PTPRC: variants seen among roughly 807,000 people sequenced by gnomAD.
PTPRC encodes the protein protein tyrosine phosphatase receptor type C.
In PTPRC, 44 loss-of-function variants were observed where a neutral mutation model predicts 155.9. That is an observed-to-expected ratio of 0.28 (90% CI 0.22 to 0.36). The LOEUF is 0.36. Ranked by LOEUF, PTPRC falls within the 10% of genes least tolerant of loss-of-function variation. PTPRC has a pLI of 1.00. For synonymous variants in PTPRC, 525 were observed against 533.1 expected, an observed-to-expected ratio of 0.98 and a Z score of 0.21; for missense variants, 1,401 against 1,564.6, an observed-to-expected ratio of 0.90 and a Z score of 1.76.
chr1:198,723,945 T>A (rs1286486407), intron 15 of PTPRC, among the ~76,000 whole-genome samples: 3 of 152,188 alleles, frequency 2.0e-5, no homozygotes, highest in Admixed American at 6.5e-5. Flanking sequence ...TGTGCTCAGT[T>A]ATGAGCGGGC....
chr1:198,732,917 T>C (rs1391066115), intron 20 of PTPRC, among the ~76,000 whole-genome samples: 2 of 151,834 alleles, frequency 1.3e-5, no homozygotes, highest in Non-Finnish European at 2.9e-5. Context: ...TCAGTTTAGT[T>C]AATTACCTTG....
intron 2 of PTPRC, among the ~76,000 whole-genome samples, chr1:198,670,667 CTCTA>C (rs1159236961): frequency 6.6e-6 from 1 of 152,104 alleles, no homozygotes; most frequent in Non-Finnish European, 1.5e-5. Context: ...CTTTACAAGT[CTCTA>C]TCTAATTCAT....
chr1:198,683,555 A>G (rs1665455892), intron 2 of PTPRC, among the ~76,000 whole-genome samples: 1 of 152,114 alleles, frequency 6.6e-6, no homozygotes, highest in African/African-American at 2.4e-5. Context: ...TAAAAAGAGA[A>G]TATGGGTAAG....
At chr1:198,746,307 G>T (rs1655130269) in intron 26 of PTPRC, among the ~76,000 whole-genome samples, 2 of 151,802 alleles carry the variant, frequency 1.3e-5, no homozygotes, top group Non-Finnish European at 2.9e-5. Context: ...CAAATGAGTA[G>T]AAATGGTTTG....
Position 198,695,401 on chromosome 1 carries a change from A to G in PTPRC, c.101-1311A>G, listed in dbSNP as rs188473753. On this transcript the variant is annotated intron_variant, in intron 3 of 32. Coordinates refer to ENST00000442510, the MANE Select transcript of PTPRC (RefSeq NM_002838.5). ...TTTAAATTTTTTTTTTTGCTTTTCA[A>G]AAAGTAAATATATGTTAAGCAAAAA... 3.6e-5 allele frequency among the ~76,000 whole-genome samples: 5 copies of G among 140,766 alleles called. No homozygotes were observed. In the East Asian group the frequency reaches 1.0e-3, roughly 29 times the overall value. 92.3% of individuals were successfully genotyped at this position (140,766 alleles called of 152,430 possible). A position where few individuals can be genotyped will look rare whatever the true frequency, so the allele number is the denominator to read the frequency against.
intron 2 of PTPRC, among the ~76,000 whole-genome samples, chr1:198,659,384 G>C (rs1663804702): frequency 6.6e-6 from 1 of 152,096 alleles, no homozygotes; most frequent in South Asian, 2.1e-4. Context: ...AAAGATACAT[G>C]TGGCCCCTCC....
intron 2 of PTPRC, among the ~76,000 whole-genome samples, chr1:198,647,299 A>C (rs1662993922): frequency 2.0e-5 from 3 of 151,976 alleles, no homozygotes; most frequent in Admixed American, 6.6e-5. Context: ...TGGTGAGCTC[A>C]TGTAGGCTAT....
intron 22 of PTPRC, 107 bp downstream of exon 22, chr1:198,734,532 G>A (rs1654538247): frequency 3.1e-6 from 3 of 967,890 alleles, no homozygotes; most frequent in Non-Finnish European, 3.4e-6. Flanking sequence ...AAAACAGAGA[G>A]TTCTCTATTT....
At chr1:198,723,174 A>G (rs751688310) in intron 15 of PTPRC, among the ~76,000 whole-genome samples, 11 of 151,260 alleles carry the variant, frequency 7.3e-5, no homozygotes, top group Non-Finnish European at 1.2e-4. Flanking sequence ...TACTAACATT[A>G]CCAATTGATC....
At chr1:198,752,506 G>GAAGT in intron 30 of PTPRC, 88 bp from the exon 31 acceptor site, 1 of 1,518,544 alleles carries the variant, frequency 6.6e-7, no homozygotes, top group Non-Finnish European at 9.1e-7. Context: ...TATTTAAATA[G>GAAGT]AAGTAACTGT....
Position 198,755,973 on chromosome 1 carries a change from AAAAC to A in PTPRC, c.3716_3719del (p.Asn1239ThrfsTer16). On this transcript the variant is annotated frameshift_variant, in exon 33 of 33. Transcript: ENST00000442510. LOFTEE classifies it low-confidence loss of function (END_TRUNC). The stretch of plus-strand genomic sequence containing the variant: ...CCTGCTCAGAATGGACAAGTAAAGA[AAAAC>A]AACCATCAAGAAGATAAAATTGAAT... 2 of 1,613,238 alleles carry A rather than the reference AAAAC, an allele frequency of 1.2e-6. No individual in the cohort carries two copies. Among genetic ancestry groups the A allele is most frequent in the Non-Finnish European group, 1.7e-6 (2 of 1,179,496 alleles).
chr1:198,655,004 T>G (rs938691376), intron 2 of PTPRC, among the ~76,000 whole-genome samples: 1 of 151,938 alleles, frequency 6.6e-6, no homozygotes, highest in African/African-American at 2.4e-5. Context: ...TCTTCTATTT[T>G]TATTGTCTTA....
chr1:198,734,641 T>A (rs1654544111), intron 22 of PTPRC, among the ~76,000 whole-genome samples: 1 of 151,792 alleles, frequency 6.6e-6, no homozygotes, highest in South Asian at 2.1e-4. Flanking sequence ...TTTCAATGCT[T>A]CTGATTAATT....
At chr1:198,755,811 A>G in intron 32 of PTPRC, 95 bp from the exon 33 acceptor site, 2 of 1,328,260 alleles carry the variant, frequency 1.5e-6, no homozygotes, top group Non-Finnish European at 2.2e-6. Context: ...CAATACTTCC[A>G]CAAATAAATC....
chr1:198,667,198 G>C (rs950054621), intron 2 of PTPRC: 2 of 152,166 alleles, frequency 1.3e-5, no homozygotes, highest in Non-Finnish European at 2.9e-5. Flanking sequence ...TTCCCCAGAA[G>C]CTTTTGTCTA....
At chr1:198,657,260 G>C (rs1418019783) in intron 2 of PTPRC, among the ~76,000 whole-genome samples, 2 of 151,926 alleles carry the variant, frequency 1.3e-5, no homozygotes, top group Non-Finnish European at 2.9e-5. Context: ...AGTTGATAAA[G>C]TGTTAGTGGC....
chr1:198,642,106 G>C (rs1030133185), intron 2 of PTPRC, among the ~76,000 whole-genome samples: 4 of 151,978 alleles, frequency 2.6e-5, no homozygotes, highest in Non-Finnish European at 5.9e-5. Context: ...TTTGTTACAG[G>C]AAAGACTACG....
intron 2 of PTPRC, among the ~76,000 whole-genome samples, chr1:198,644,092 G>A (rs1001013413): frequency 6.6e-6 from 1 of 151,868 alleles, no homozygotes; most frequent in East Asian, 1.9e-4. Flanking sequence ...CCTTGGTGCA[G>A]AGAGAGAAAT....
In PTPRC at chr1:198,709,694, G is replaced by A. The variant is rs866816038; in HGVS notation, c.1041G>A (p.Met347Ile). 6.4e-7 allele frequency: 1 copy of A among 1,570,126 alleles called. No homozygotes were observed. Among genetic ancestry groups the A allele is most frequent in the South Asian group, 1.2e-5 (1 of 86,360 alleles). ...AATATTTCTTTATTTCAGGTAATAT[G>A]ATATTTGATAATAAAGAAATTAAAT... ...NITYRFQCGN[M>I]IFDNKEIKLE... Residue 347 changes from methionine to isoleucine, a missense_variant, in exon 11 of 33, where the codon ATG (methionine) becomes ATA (isoleucine). This residue lies in a region of PTPRC where 867 missense variants were observed against 970.4 expected (regional missense o/e 0.89). Coordinates refer to ENST00000442510, the MANE Select transcript of PTPRC (RefSeq NM_002838.5).
Sources: allele counts gnomAD v4.1 joint callset (sites outside exome capture counted in the v4.1 genomes callset), GRCh38; gene constraint gnomAD v4.1.1; regional missense constraint gnomAD v4.1.1; transcripts MANE v1.5; gene names NCBI Gene and HGNC (gene_info 2026-07-23, HGNC 2026-07-21).